The following NEGR1 variants were observed in gnomAD, a reference collection of about 807,000 sequenced individuals.
The protein encoded by NEGR1 is IgLON family member 4.
A neutral mutation model predicts 40.9 loss-of-function variants in NEGR1; 10 were observed. The ratio of observed to expected loss-of-function variants is 0.24; its 90% CI spans 0.15 to 0.42. The LOEUF is 0.42. NEGR1 is among the 10% of genes least tolerant of loss of function. The probability of loss-of-function intolerance (pLI) is 1.00; values close to 1 mark genes in which losing one functional copy is unlikely to be tolerated. For synonymous variants in NEGR1, 185 were observed against 166.8 expected (o/e 1.11, Z -0.84); for missense variants, 352 against 438.9 (o/e 0.80, Z 1.77).
intron 2 of NEGR1, among the ~76,000 whole-genome samples, chr1:71,814,109 A>C (rs1344242604): frequency 6.6e-6 from 1 of 152,066 alleles, no homozygotes; most frequent in Non-Finnish European, 1.5e-5. Context: ...TTCCATCAAT[A>C]CCTAGATTAT....
chr1:71,524,744 A>G (rs944369097), intron 6 of NEGR1, among the ~76,000 whole-genome samples: 8 of 151,714 alleles, frequency 5.3e-5, no homozygotes, highest in Non-Finnish European at 1.0e-4. Flanking sequence ...TAAAATAGGT[A>G]GATTATCCTG....
intron 2 of NEGR1, among the ~76,000 whole-genome samples, chr1:71,928,428 G>A (rs979630082): frequency 1.2e-5 from 1 of 81,234 alleles, no homozygotes; most frequent in East Asian, 3.8e-4. Flanking sequence ...ACACACATAT[G>A]TATATATACA....
chr1:71,698,703 C>T (rs550727971), intron 3 of NEGR1, among the ~76,000 whole-genome samples: 16 of 151,768 alleles, frequency 1.1e-4, no homozygotes, highest in South Asian at 2.1e-4. Flanking sequence ...ATATAACTCA[C>T]GCAATAAATC....
At position 72,137,348 on chromosome 1, in the gene NEGR1, A is replaced by T. The variant is rs1015020769; in HGVS notation, c.176+144971T>A. ...TAGAAAAGTCTTGGAATCAACCCAA[A>T]TTCCAACCAGTGATAGACTAGATAA... On this transcript the variant is annotated intron_variant, in intron 1 of 6. Coordinates refer to ENST00000357731, the MANE Select transcript of NEGR1 (RefSeq NM_173808.3). Among the ~76,000 whole-genome samples, 8 of 152,150 alleles carry T rather than the reference A, an allele frequency of 5.3e-5. No homozygotes were observed. In the South Asian group the frequency reaches 8.3e-4, roughly 16 times the overall value.
chr1:71,563,125 A>T (rs1648513111), intron 6 of NEGR1, among the ~76,000 whole-genome samples: 1 of 152,014 alleles, frequency 6.6e-6, no homozygotes, highest in African/African-American at 2.4e-5. Context: ...CGTGGCATAT[A>T]TTTGTTTGCT....
intron 2 of NEGR1, among the ~76,000 whole-genome samples, chr1:71,787,112 A>G (rs1294839587): frequency 6.6e-6 from 1 of 152,210 alleles, no homozygotes; most frequent in African/African-American, 2.4e-5. Flanking sequence ...CAAATATCCT[A>G]TCTAAATTGC....
At chr1:71,682,262 T>C (rs1350375143) in intron 4 of NEGR1, among the ~76,000 whole-genome samples, 1 of 152,184 alleles carries the variant, frequency 6.6e-6, no homozygotes, top group East Asian at 1.9e-4. Flanking sequence ...CACTTGGAAG[T>C]TCTATGGAGT....
intron 6 of NEGR1, among the ~76,000 whole-genome samples, chr1:71,434,184 A>G (rs2101300473): frequency 6.6e-6 from 1 of 152,300 alleles, no homozygotes; most frequent in Middle Eastern, 3.4e-3. Context: ...AGAAATATCA[A>G]ACAAATTAAG....
At chr1:72,202,622 TA>T (rs1653257132) in intron 1 of NEGR1, among the ~76,000 whole-genome samples, 2 of 152,012 alleles carry the variant, frequency 1.3e-5, no homozygotes, top group Admixed American at 1.3e-4. Flanking sequence ...AGCATTCCCT[TA>T]AACCAAAGCT....
chr1:71,429,772 G>A (rs980300714), intron 6 of NEGR1, among the ~76,000 whole-genome samples: 27 of 152,182 alleles, frequency 1.8e-4, no homozygotes, highest in Admixed American at 1.8e-3. Flanking sequence ...TATTCAGATG[G>A]AAACTTTGTG....
intron 2 of NEGR1, among the ~76,000 whole-genome samples, chr1:71,870,990 G>A (rs1660262592): frequency 6.6e-6 from 1 of 152,110 alleles, no homozygotes; most frequent in African/African-American, 2.4e-5. Flanking sequence ...GCTTTCATAC[G>A]AATACCTGGG....
At chr1:71,762,050 A>C (rs927954255) in intron 3 of NEGR1, among the ~76,000 whole-genome samples, 2 of 152,098 alleles carry the variant, frequency 1.3e-5, no homozygotes, top group Admixed American at 6.5e-5. Context: ...AAGGAATGTA[A>C]AGGGCACTAA....
At chr1:71,573,518 T>A (rs1648870566) in intron 6 of NEGR1, 1 of 152,230 alleles carries the variant, frequency 6.6e-6, no homozygotes, top group South Asian at 2.1e-4. Flanking sequence ...AACAATTTTC[T>A]GTCCTCAGAC....
At chr1:71,529,885 T>C (rs1338236174) in intron 6 of NEGR1, among the ~76,000 whole-genome samples, 1 of 151,252 alleles carries the variant, frequency 6.6e-6, no homozygotes, top group Admixed American at 6.6e-5. Context: ...TAGCCTTTTC[T>C]TGAATAATGA....
chr1:72,097,176 G>T (rs536298303), intron 1 of NEGR1, among the ~76,000 whole-genome samples: 3 of 152,200 alleles, frequency 2.0e-5, no homozygotes, highest in East Asian at 3.9e-4. Context: ...CCAGAGGCTG[G>T]GTTTGAAACC....
intron 1 of NEGR1, among the ~76,000 whole-genome samples, chr1:71,995,493 A>G (rs1452850683): frequency 1.3e-5 from 2 of 152,208 alleles, no homozygotes; most frequent in East Asian, 3.8e-4. Flanking sequence ...CAGGCTAAAT[A>G]GACATGTGTC....
intron 6 of NEGR1, among the ~76,000 whole-genome samples, chr1:71,420,388 A>G (rs1048804438): frequency 1.3e-5 from 2 of 152,078 alleles, no homozygotes; most frequent in Admixed American, 6.5e-5. Context: ...TATTTATTCA[A>G]CAAGTGCTAT....
chr1:72,266,661 A>G (rs1027918153), intron 1 of NEGR1, among the ~76,000 whole-genome samples: 4 of 150,726 alleles, frequency 2.7e-5, no homozygotes, highest in Non-Finnish European at 4.5e-5. Context: ...GTGTGTATGT[A>G]TATACATACA....
intron 6 of NEGR1, among the ~76,000 whole-genome samples, chr1:71,457,847 A>G (rs1434291634): frequency 9.9e-5 from 15 of 151,580 alleles, no homozygotes; most frequent in Non-Finnish European, 1.3e-4. Context: ...GATTACAGGC[A>G]CCCGCCACCA....
Sources: allele counts gnomAD v4.1 joint callset (sites outside exome capture counted in the v4.1 genomes callset), GRCh38; gene constraint gnomAD v4.1.1; transcripts MANE v1.5; gene names NCBI Gene and HGNC (gene_info 2026-07-23, HGNC 2026-07-21).